The following TFB1M variants were observed in gnomAD, a reference collection of about 807,000 sequenced individuals.
TFB1M encodes dimethyladenosine transferase 1, mitochondrial.
In TFB1M, 27 loss-of-function variants were observed where a neutral mutation model predicts 31.1. That is an observed-to-expected ratio of 0.87 (90% CI 0.64 to 1.20). The LOEUF is 1.20. Among genes scored for constraint, TFB1M ranks in the 50% most tolerant of loss-of-function variants. TFB1M has a pLI of 0.00. For missense variants in TFB1M, 394 were observed against 418.7 expected, an observed-to-expected ratio of 0.94 and a Z score of 0.51; for synonymous variants, 166 against 151.8, an observed-to-expected ratio of 1.09 and a Z score of -0.69.
At chr6:155,258,142 A>C in intron 6 of TFB1M, 60 bp from the exon 7 acceptor site, 1 of 1,588,340 alleles carries the variant, frequency 6.3e-7, no homozygotes, top group Non-Finnish European at 8.6e-7. Context: ...GCAAATCATG[A>C]CACTTTTTAA....
intron 5 of TFB1M, among the ~76,000 whole-genome samples, chr6:155,268,932 C>A (rs1784789568): frequency 8.5e-6 from 1 of 117,428 alleles, no homozygotes; most frequent in Admixed American, 9.3e-5. Context: ...GAGAAACACC[C>A]AAGAATGATC....
At chr6:155,287,215 T>C (rs982196160) in intron 4 of TFB1M, among the ~76,000 whole-genome samples, 7 of 152,166 alleles carry the variant, frequency 4.6e-5, no homozygotes, top group African/African-American at 7.2e-5. Context: ...CAAGCATTTG[T>C]AGCATAATTT....
At chr6:155,275,712 G>A in intron 5 of TFB1M, 3 of 1,607,814 alleles carry the variant, frequency 1.9e-6, no homozygotes, top group Non-Finnish European at 2.5e-6. Flanking sequence ...AGACTTAACA[G>A]TAACATCATG....
intron 2 of TFB1M, among the ~76,000 whole-genome samples, chr6:155,303,007 T>C (rs1003594953): frequency 1.3e-5 from 2 of 152,128 alleles, no homozygotes; most frequent in East Asian, 3.8e-4. Flanking sequence ...ACTGATGAGA[T>C]TTGAGTAGGG....
At chr6:155,278,808 A>C (rs1026711300) in intron 5 of TFB1M, among the ~76,000 whole-genome samples, 5 of 152,182 alleles carry the variant, frequency 3.3e-5, no homozygotes, top group African/African-American at 4.8e-5. Flanking sequence ...TTGCTTAAGA[A>C]TGGCATCTAC....
chr6:155,308,617 T>G (rs1371837163), intron 2 of TFB1M, among the ~76,000 whole-genome samples: 1 of 152,188 alleles, frequency 6.6e-6, no homozygotes, highest in Non-Finnish European at 1.5e-5. Flanking sequence ...TATACTATAC[T>G]AAACATACTA....
At chr6:155,283,559 C>A (rs1227467605) in intron 5 of TFB1M, among the ~76,000 whole-genome samples, 1 of 152,126 alleles carries the variant, frequency 6.6e-6, no homozygotes, top group Admixed American at 6.5e-5. Context: ...ACCACTAAAT[C>A]AAAGATAAAG....
At position 155,285,239 on chromosome 6, in the gene TFB1M, G is replaced by T; in HGVS notation, c.585C>A (p.Arg195=). ...AGAGGTACTGAGCCATAACAGAGAGGCGACTACGCTGTTTGCTTCCTGTAT... is the reference window on the plus strand; with the variant it reads ...AGAGGTACTGAGCCATAACAGAGAGTCGACTACGCTGTTTGCTTCCTGTAT... ...AANTGSKQRS[R]LSVMAQYLCN... is the part of the protein sequence containing the mutation. The change falls in exon 5 of 7, where the codon CGC becomes CGA. Residue 195 remains arginine (R), a synonymous_variant. Transcript: ENST00000367166. The T allele has an allele frequency of 6.2e-7, 1 of 1,614,058 alleles. No individual in the cohort carries two copies. Among genetic ancestry groups the T allele is most frequent in the Non-Finnish European group, 8.5e-7 (1 of 1,179,916 alleles).
chr6:155,296,408 C>T (rs1777172892), intron 4 of TFB1M, among the ~76,000 whole-genome samples: 1 of 151,288 alleles, frequency 6.6e-6, no homozygotes, highest in African/African-American at 2.4e-5. Context: ...TACAGGCACC[C>T]CCCACCACAC....
the TFB1M span, chr6:155,249,953 G>A: frequency 1.4e-4 from 218 of 1,613,462 alleles, no homozygotes; most frequent in Non-Finnish European, 1.7e-4. Flanking sequence ...GCTGAGCAGA[G>A]CGGAACAGAG....
At chr6:155,262,680 C>T (rs1242512688) in intron 5 of TFB1M, among the ~76,000 whole-genome samples, 1 of 152,198 alleles carries the variant, frequency 6.6e-6, no homozygotes, top group African/African-American at 2.4e-5. Flanking sequence ...GGCTTACAAA[C>T]TATTAAGACC....
At chr6:155,278,440 T>C (rs1785319482) in intron 5 of TFB1M, among the ~76,000 whole-genome samples, 1 of 152,276 alleles carries the variant, frequency 6.6e-6, no homozygotes, top group Admixed American at 6.5e-5. Context: ...TGAGTTTACA[T>C]GATTGCATCT....
downstream of TFB1M, chr6:155,255,654 C>A (rs945974782): frequency 2.0e-5 from 3 of 151,674 alleles, no homozygotes; most frequent in Non-Finnish European, 4.4e-5. Context: ...CATAAAATTT[C>A]AGAAAGTTGT....
intron 5 of TFB1M, among the ~76,000 whole-genome samples, chr6:155,262,341 G>A (rs964845045): frequency 5.3e-5 from 8 of 152,062 alleles, no homozygotes; most frequent in Non-Finnish European, 5.9e-5. Context: ...TGCCTACCTC[G>A]CCTCCTCCTG....
chr6:155,274,895 TTATTATG>T (rs1199091395), intron 5 of TFB1M, among the ~76,000 whole-genome samples: 2 of 152,230 alleles, frequency 1.3e-5, no homozygotes, highest in African/African-American at 2.4e-5. Flanking sequence ...ATTTTCTTCC[TTATTATG>T]TATTGAGTAT....
chr6:155,248,074 T>G, the TFB1M span: 1 of 1,614,072 alleles, frequency 6.2e-7, no homozygotes, highest in Non-Finnish European at 8.5e-7. Context: ...CACGCTGGAG[T>G]CCTACCTCAT....
At chr6:155,253,889 A>G, downstream of TFB1M, 1 of 995,432 alleles carries the variant, frequency 1.0e-6, no homozygotes, top group South Asian at 1.6e-5. Context: ...TTCTTAACTG[A>G]TGAGATTTCA....
At chr6:155,290,946 A>C (rs1363172564) in intron 4 of TFB1M, among the ~76,000 whole-genome samples, 1 of 152,166 alleles carries the variant, frequency 6.6e-6, no homozygotes, top group Non-Finnish European at 1.5e-5. Context: ...ATAACTTAGG[A>C]TGAGGCCTCT....
At position 155,260,277 on chromosome 6, in the gene TFB1M, G is replaced by T. The variant is rs1286554374; in HGVS notation, c.790C>A (p.Leu264Ile). The change falls in exon 6 of 7, where the codon CTC becomes ATC. Residue 264 changes from leucine (L) to isoleucine (I), a missense_variant. Physicochemically the swap from Leu to Ile is conservative, Grantham distance 5. Transcript: ENST00000367166. ...GAGAAGAAAAGGCATTCTTACCTGAGCCCTCGATGGCAGTATTTCCTTCGG... is the reference window on the plus strand; with the variant it reads ...GAGAAGAAAAGGCATTCTTACCTGATCCCTCGATGGCAGTATTTCCTTCGG... ...QFRRKYCHRG[L>I]RMLFPEAQRL... 1.2e-6 allele frequency: 2 copies of T among 1,614,102 alleles called. No individual in the cohort carries two copies. Among genetic ancestry groups the T allele is most frequent in the East Asian group, 2.2e-5 (1 of 44,902 alleles).
Sources: allele counts gnomAD v4.1 joint callset (sites outside exome capture counted in the v4.1 genomes callset), GRCh38; gene constraint gnomAD v4.1.1; transcripts MANE v1.5; gene names NCBI Gene and HGNC (gene_info 2026-07-23, HGNC 2026-07-21).